The following ERC2 variants were observed in gnomAD, a reference collection of about 807,000 sequenced individuals.
The protein encoded by ERC2 is ERC protein 2.
In ERC2, 42 loss-of-function variants were observed where a neutral mutation model predicts 114.8. The ratio of observed to expected loss-of-function variants is 0.37; its 90% CI spans 0.29 to 0.47. The LOEUF is 0.47. Ranked by LOEUF, ERC2 falls within the 20% of genes least tolerant of loss-of-function variation. ERC2 has a pLI of 0.99. For synonymous variants in ERC2, 454 were observed against 425.5 expected (o/e 1.07, Z -0.82); for missense variants, 939 against 1,150.7 (o/e 0.82, Z 2.66).
chr3:56,383,627 C>G (rs1406983588), intron 2 of ERC2, among the ~76,000 whole-genome samples: 1 of 152,138 alleles, frequency 6.6e-6, no homozygotes, highest in Admixed American at 6.5e-5. Context: ...CATCTAAGAA[C>G]TAGGGATTTA....
At chr3:56,330,873 C>A (rs2057578350) in intron 2 of ERC2, among the ~76,000 whole-genome samples, 1 of 152,180 alleles carries the variant, frequency 6.6e-6, no homozygotes, top group African/African-American at 2.4e-5. Context: ...CCTTCCTGTG[C>A]ATGACCTCCT....
At chr3:55,608,874 T>C (rs2148556371) in intron 17 of ERC2, among the ~76,000 whole-genome samples, 1 of 152,350 alleles carries the variant, frequency 6.6e-6, no homozygotes, top group Middle Eastern at 3.4e-3. Context: ...GACACTGGCT[T>C]CCGAAGGCTG....
chr3:56,162,529 GT>G (rs2149993500), intron 4 of ERC2, among the ~76,000 whole-genome samples: 1 of 152,196 alleles, frequency 6.6e-6, no homozygotes, highest in South Asian at 2.1e-4. Flanking sequence ...TGGTTGGTAG[GT>G]TTTTTGTTAC....
At chr3:56,375,690 T>G (rs1304911801) in intron 2 of ERC2, among the ~76,000 whole-genome samples, 1 of 152,176 alleles carries the variant, frequency 6.6e-6, no homozygotes, top group African/African-American at 2.4e-5. Flanking sequence ...GTTAGGCAGC[T>G]TCGTAAATTG....
At chr3:56,214,748 GTCAT>G (rs2049333951) in intron 3 of ERC2, among the ~76,000 whole-genome samples, 1 of 152,040 alleles carries the variant, frequency 6.6e-6, no homozygotes, top group Non-Finnish European at 1.5e-5. Context: ...AGAGAGAAAG[GTCAT>G]GTTACCCACA....
At chr3:55,843,695 C>G (rs2149220751) in intron 14 of ERC2, among the ~76,000 whole-genome samples, 1 of 152,336 alleles carries the variant, frequency 6.6e-6, no homozygotes, top group East Asian at 1.9e-4. Context: ...CTGAAAAGCA[C>G]AAGTTCTCCC....
intron 17 of ERC2, among the ~76,000 whole-genome samples, chr3:55,626,622 CA>C (rs1307434985): frequency 6.6e-6 from 1 of 152,214 alleles, no homozygotes; most frequent in East Asian, 1.9e-4. Context: ...GGCTTCTCAC[CA>C]ATCCTTTGGA....
chr3:56,138,051 C>CTTTTTTTTT (rs920983143), intron 6 of ERC2, among the ~76,000 whole-genome samples: 1 of 92,632 alleles, frequency 1.1e-5, no homozygotes, highest in Non-Finnish European at 2.3e-5. Context: ...AATGGTATTT[C>CTTTTTTTTT]TTTTTTTTTT....
At chr3:55,669,073 T>C (rs4974192) in intron 17 of ERC2, among the ~76,000 whole-genome samples, 97,439 of 152,088 alleles carry the variant, frequency 0.64, 31,327 homozygotes, top group Admixed American at 0.68. Flanking sequence ...TTTTTCATCT[T>C]ATCAACAAAG....
At chr3:56,303,685 A>G (rs949095950) in intron 2 of ERC2, among the ~76,000 whole-genome samples, 1 of 152,200 alleles carries the variant, frequency 6.6e-6, no homozygotes, top group African/African-American at 2.4e-5. Flanking sequence ...GCAAATGCCA[A>G]TCTAAGCACT....
At chr3:55,662,144 T>C (rs2061164829) in intron 17 of ERC2, among the ~76,000 whole-genome samples, 1 of 152,252 alleles carries the variant, frequency 6.6e-6, no homozygotes, top group South Asian at 2.1e-4. Context: ...GATTGGAATG[T>C]ATTTGCCAAT....
At chr3:56,456,367 A>G (rs896216391) in intron 1 of ERC2, among the ~76,000 whole-genome samples, 2 of 152,234 alleles carry the variant, frequency 1.3e-5, no homozygotes, top group African/African-American at 4.8e-5. Context: ...GAGAAATCCA[A>G]TTTCTGTCTC....
chr3:55,639,800 A>G (rs2060100892), intron 17 of ERC2, among the ~76,000 whole-genome samples: 1 of 152,210 alleles, frequency 6.6e-6, no homozygotes, highest in African/African-American at 2.4e-5. Flanking sequence ...GCACATGTGC[A>G]TGCACACATG....
At position 56,307,068 on chromosome 3, in the gene ERC2, G is replaced by A. The variant is rs182103942; in HGVS notation, c.658-10633C>T. On this transcript the variant is annotated intron_variant, in intron 2 of 17. Transcript: ENST00000288221. ...GGGCACTGTGATACACACTGGCCCTGGTGCAGAGGTGCACTGATGGATTAT... is the reference window on the plus strand; with the variant it reads ...GGGCACTGTGATACACACTGGCCCTAGTGCAGAGGTGCACTGATGGATTAT... 5.2e-3 allele frequency among the ~76,000 whole-genome samples: 788 copies of A among 152,320 alleles called. 2 individuals carry two copies. Among genetic ancestry groups the A allele is most frequent in the Non-Finnish European group, 8.6e-3 (586 of 68,026 alleles).
intron 2 of ERC2, among the ~76,000 whole-genome samples, chr3:56,298,533 T>C (rs1220703330): frequency 6.6e-6 from 1 of 152,048 alleles, no homozygotes; most frequent in Non-Finnish European, 1.5e-5. Context: ...TATTCAGCCA[T>C]AAAAAGGAAT....
Position 55,970,662 on chromosome 3 carries a change from T to C in ERC2, c.2267+15315A>G, listed in dbSNP as rs1190189979. ...AGATACCACTTCATACCCAATAGGA[T>C]GGCTATGGTCAAAAAGAAAAATAAG... On this transcript the variant is annotated intron_variant, in intron 12 of 17. Coordinates refer to ENST00000288221, the MANE Select transcript of ERC2 (RefSeq NM_015576.3). Among the ~76,000 whole-genome samples, 4 of 152,118 alleles carry C rather than the reference T, an allele frequency of 2.6e-5. No individual in the cohort carries two copies. The East Asian group carries it at 7.7e-4, about 29-fold the overall frequency.
At chr3:56,247,147 G>A (rs954265207) in intron 3 of ERC2, among the ~76,000 whole-genome samples, 7 of 152,110 alleles carry the variant, frequency 4.6e-5, no homozygotes, top group Non-Finnish European at 7.3e-5. Flanking sequence ...CCATTAGTAG[G>A]ACAAAACACC....
chr3:55,891,964 T>C (rs986928869), intron 13 of ERC2, among the ~76,000 whole-genome samples: 2 of 152,200 alleles, frequency 1.3e-5, no homozygotes, highest in African/African-American at 4.8e-5. Flanking sequence ...ACTGATTGAC[T>C]GTACATATGT....
chr3:56,219,153 T>A (rs1267407841), intron 3 of ERC2, among the ~76,000 whole-genome samples: 2 of 151,818 alleles, frequency 1.3e-5, no homozygotes, highest in African/African-American at 4.8e-5. Flanking sequence ...AATAAAATTG[T>A]AAAAAAAGAC....
Sources: allele counts gnomAD v4.1 joint callset (sites outside exome capture counted in the v4.1 genomes callset), GRCh38; gene constraint gnomAD v4.1.1; transcripts MANE v1.5; gene names NCBI Gene and HGNC (gene_info 2026-07-23, HGNC 2026-07-21).